TNRC6B: variants seen among roughly 807,000 people sequenced by gnomAD.
TNRC6B encodes trinucleotide repeat-containing gene 6B protein.
In TNRC6B, 52 loss-of-function variants were observed where a neutral mutation model predicts 203.6. The observed-to-expected ratio is 0.26, with a 90% CI of 0.20 to 0.32. The LOEUF (loss-of-function observed/expected upper bound fraction) is 0.32, where lower values mean the gene tolerates loss of function less well. Among genes scored for constraint, TNRC6B ranks in the 10% least tolerant of loss-of-function variants. The pLI, the probability that TNRC6B is intolerant of heterozygous loss-of-function variation, is 1.00. For synonymous variants in TNRC6B, 838 were observed against 845.7 expected (o/e 0.99, Z 0.16); for missense variants, 1,923 against 2,286.2 (o/e 0.84, Z 3.24).
At chr22:40,074,298 T>C (rs1392015043) in intron 1 of TNRC6B, among the ~76,000 whole-genome samples, 1 of 144,556 alleles carries the variant, frequency 6.9e-6, no homozygotes, top group Non-Finnish European at 1.5e-5. Context: ...TAAGAGTAAA[T>C]AAAAGGTATA....
chr22:40,054,322 C>CT (rs1343088278), intron 1 of TNRC6B, among the ~76,000 whole-genome samples: 1 of 152,190 alleles, frequency 6.6e-6, no homozygotes, highest in Admixed American at 6.5e-5. Flanking sequence ...CGTCCCCTGC[C>CT]TCTTTTCCTA....
chr22:40,186,051 A>T (rs1182352637), intron 1 of TNRC6B, among the ~76,000 whole-genome samples: 1 of 152,134 alleles, frequency 6.6e-6, no homozygotes. Context: ...GTGGAGATAA[A>T]GACTTGGAAG....
At chr22:40,152,945 A>C (rs2068772358) in intron 3 of TNRC6B, among the ~76,000 whole-genome samples, 1 of 151,908 alleles carries the variant, frequency 6.6e-6, no homozygotes, top group Non-Finnish European at 1.5e-5. Context: ...TACTAAAAAT[A>C]CAAAAAATTA....
intron 1 of TNRC6B, among the ~76,000 whole-genome samples, chr22:40,207,419 ATATATATATAT>A (rs143943564): frequency 0.09 from 6,395 of 71,406 alleles, 204 homozygotes; most frequent in African/African-American, 0.21. Context: ...AAAAAAAAAA[ATATATATATAT>A]ATATATATAT....
intron 1 of TNRC6B, among the ~76,000 whole-genome samples, chr22:40,192,577 A>G (rs1166483685): frequency 6.6e-6 from 1 of 152,296 alleles, no homozygotes; most frequent in South Asian, 2.1e-4. Context: ...AGATCGAGCC[A>G]CTGCATTCCT....
chr22:40,178,774 C>T (rs1229005947), intron 1 of TNRC6B, among the ~76,000 whole-genome samples: 2 of 152,122 alleles, frequency 1.3e-5, no homozygotes, highest in African/African-American at 4.8e-5. Flanking sequence ...CTCCTTTCTG[C>T]GCGCGCTCAT....
At chr22:40,261,712 C>A in intron 3 of TNRC6B, 120 bp from the exon 4 acceptor site, 2 of 895,078 alleles carry the variant, frequency 2.2e-6, no homozygotes, top group Non-Finnish European at 3.1e-6. Context: ...AGTTCAAGAC[C>A]AGCATGGGCA....
intron 3 of TNRC6B, among the ~76,000 whole-genome samples, chr22:40,142,598 C>T (rs73165040): frequency 0.23 from 34,281 of 152,078 alleles, 4,206 homozygotes; most frequent in Admixed American, 0.34. Context: ...CTTTACATCC[C>T]GCTTACATCT....
chr22:40,170,680 T>C (rs534334309), intron 4 of TNRC6B, among the ~76,000 whole-genome samples: 3 of 137,126 alleles, frequency 2.2e-5, no homozygotes, highest in African/African-American at 8.0e-5. Flanking sequence ...TGAAAACAAT[T>C]CTCACTTTGC....
intron 17 of TNRC6B, among the ~76,000 whole-genome samples, chr22:40,311,562 A>G (rs1456761032): frequency 4.0e-5 from 6 of 150,852 alleles, no homozygotes; most frequent in Non-Finnish European, 8.9e-5. Context: ...TTTTTTTGAA[A>G]GGGAGTTTTG....
intron 1 of TNRC6B, among the ~76,000 whole-genome samples, chr22:40,067,900 ATC>A (rs777530561): frequency 1.2e-4 from 18 of 152,236 alleles, no homozygotes; most frequent in Non-Finnish European, 1.9e-4. Context: ...CCATCTAGGG[ATC>A]TCTCAACACA....
chr22:40,220,892 G>A (rs891895220), intron 1 of TNRC6B, among the ~76,000 whole-genome samples: 5 of 152,200 alleles, frequency 3.3e-5, no homozygotes, highest in African/African-American at 7.2e-5. Flanking sequence ...CCCAGAACAC[G>A]TCCCATGAAG....
intron 1 of TNRC6B, among the ~76,000 whole-genome samples, chr22:40,067,537 G>T (rs2067906065): frequency 6.6e-6 from 1 of 152,140 alleles, no homozygotes; most frequent in Non-Finnish European, 1.5e-5. Flanking sequence ...AACCAGAGAA[G>T]CTCAGGCGTG....
In TNRC6B at chr22:40,334,179, A is replaced by C. The variant is rs2044010186; in HGVS notation, c.*10938A>C. The C allele has an allele frequency of 6.6e-6, 1 of 152,660 alleles. No individual in the cohort carries two copies. The highest frequency in any genetic ancestry group is 2.4e-5 in the African/African-American group (1 of 41,380). 9.5% of individuals were successfully genotyped at this position (152,660 alleles called of 1,614,324 possible). A position where few individuals can be genotyped will look rare whatever the true frequency, so the allele number is the denominator to read the frequency against. On this transcript the variant is annotated 3_prime_UTR_variant, in exon 23 of 23. Transcript: ENST00000454349. ...CCCAAAGGGCTTTGCTGATCTCTGC[A>C]CTTCTTTCCTGGGACACTCCCCCCA...
chr22:40,201,694 G>A (rs889844258), intron 1 of TNRC6B, among the ~76,000 whole-genome samples: 2 of 151,880 alleles, frequency 1.3e-5, no homozygotes, highest in Non-Finnish European at 2.9e-5. Flanking sequence ...TGAGTAGCTG[G>A]GATTAGAGTT....
intron 1 of TNRC6B, among the ~76,000 whole-genome samples, chr22:40,109,311 G>GCTGGGTCAAATGGTATTT (rs2068313288): frequency 6.6e-6 from 1 of 152,170 alleles, no homozygotes; most frequent in South Asian, 2.1e-4. Context: ...TAATGGGATT[G>GCTGGGTCAAATGGTATTT]CTGGGTCAAA....
At chr22:40,288,096 A>G (rs2070811615) in intron 12 of TNRC6B, among the ~76,000 whole-genome samples, 1 of 152,252 alleles carries the variant, frequency 6.6e-6, no homozygotes, top group Admixed American at 6.5e-5. Context: ...CGTACACACA[A>G]ATGCACACAC....
chr22:40,143,712 G>A (rs1015945874), intron 3 of TNRC6B, among the ~76,000 whole-genome samples: 16 of 152,134 alleles, frequency 1.1e-4, no homozygotes, highest in Admixed American at 2.0e-4. Flanking sequence ...TAGCCAGGAT[G>A]GTCTCGATCT....
chr22:40,086,094 C>G (rs1296008953), intron 1 of TNRC6B, among the ~76,000 whole-genome samples: 5 of 152,256 alleles, frequency 3.3e-5, no homozygotes, highest in Admixed American at 6.5e-5. Context: ...TGGTCTTGAG[C>G]TCCTGGGCTC....
Sources: allele counts gnomAD v4.1 joint callset (sites outside exome capture counted in the v4.1 genomes callset), GRCh38; gene constraint gnomAD v4.1.1; transcripts MANE v1.5; gene names NCBI Gene and HGNC (gene_info 2026-07-23, HGNC 2026-07-21).